Variants in OXCT1 observed in about 807,000 individuals in gnomAD.
The protein encoded by OXCT1 is 3-oxoacid CoA-transferase 1.
A neutral mutation model predicts 69.6 loss-of-function variants in OXCT1; 27 were observed. The ratio of observed to expected loss-of-function variants is 0.39; its 90% confidence interval spans 0.29 to 0.54. OXCT1 has a LOEUF of 0.54. Among genes scored for constraint, OXCT1 ranks in the 20% least tolerant of loss-of-function variants. OXCT1 has a pLI of 0.72. For missense variants in OXCT1, 437 were observed against 650.2 expected (o/e 0.67, Z 3.57); for synonymous variants, 202 against 217.8 (o/e 0.93, Z 0.64).
rs1347747207 is a variant in OXCT1 at position 41,866,811 on chromosome 5, CGAAGGAGCACAGAT to C, written c.78+3456_78+3469del. Among the ~76,000 whole-genome samples the C allele has an allele frequency of 7.9e-5, 12 of 152,210 alleles. 3 individuals carry two copies. The highest frequency in any genetic ancestry group is 2.9e-4 in the African/African-American group (12 of 41,532). ...AATGCTGGAGGGATACTCAGTGCTC[CGAAGGAGCACAGAT>C]GAAGGAGTAATTCATTCTACCTGGT... On this transcript the variant is annotated intron_variant, in intron 1 of 16. Coordinates refer to ENST00000196371, the MANE Select transcript of OXCT1 (RefSeq NM_000436.4).
rs1278481279 is a variant in OXCT1, at chr5:41,850,186, G to A, written c.415-7C>T. 1 of 1,613,272 alleles carries A rather than the reference G, an allele frequency of 6.2e-7. No individual in the cohort carries two copies. The highest frequency in any genetic ancestry group is 8.5e-7 in the Non-Finnish European group (1 of 1,179,802). On this transcript the variant is annotated splice_region_variant and splice_polypyrimidine_tract_variant and intron_variant, in intron 4 of 16. Coordinates refer to ENST00000196371, the MANE Select transcript of OXCT1 (RefSeq NM_000436.4). ...TCCTCTCTGCAAGTGTGCCCTGCAA[G>A]TGAGCAACCAACACCCCATAAGTTC... is the stretch of plus-strand genomic sequence containing the variant.
intron 3 of OXCT1, among the ~76,000 whole-genome samples, chr5:41,857,530 T>C (rs1442389073): frequency 3.9e-5 from 6 of 152,188 alleles, no homozygotes; most frequent in African/African-American, 7.2e-5. Flanking sequence ...GTTCACCCAA[T>C]GGGAGGCACC....
At position 41,733,360 on chromosome 5, in the gene OXCT1, C is replaced by G. The variant is rs374967965; in HGVS notation, c.1522-1590G>C. On this transcript the variant is annotated intron_variant, in intron 16 of 16. Transcript: ENST00000196371. ...CTCCTGGGTTCAAGCGATTCTCCTG[C>G]CTTAGCCTCCCAAGTAGCTGGGATT... Among the ~76,000 whole-genome samples the G allele has an allele frequency of 2.6e-5, 4 of 151,944 alleles. No homozygotes were observed. In the South Asian group the frequency reaches 8.3e-4, roughly 32 times the overall value.
intron 7 of OXCT1, among the ~76,000 whole-genome samples, chr5:41,835,505 G>A (rs781386636): frequency 2.0e-5 from 3 of 152,114 alleles, no homozygotes; most frequent in Non-Finnish European, 2.9e-5. Flanking sequence ...TGGGTTCACC[G>A]ATATTCAATT....
intron 7 of OXCT1, among the ~76,000 whole-genome samples, chr5:41,839,645 G>A (rs1748535198): frequency 6.6e-6 from 1 of 152,152 alleles, no homozygotes; most frequent in Admixed American, 6.5e-5. Flanking sequence ...CTGACTTCAT[G>A]AAACATTATC....
intron 1 of OXCT1, among the ~76,000 whole-genome samples, chr5:41,869,114 T>C (rs763593093): frequency 6.6e-6 from 1 of 152,192 alleles, no homozygotes; most frequent in Non-Finnish European, 1.5e-5. Flanking sequence ...TCCAAGTCTA[T>C]CTGCAGTTAT....
chr5:41,779,446 C>A (rs1477741107), intron 13 of OXCT1, among the ~76,000 whole-genome samples: 1 of 152,124 alleles, frequency 6.6e-6, no homozygotes, highest in Non-Finnish European at 1.5e-5. Context: ...ACTGTACAAG[C>A]ACATATAGAA....
chr5:41,801,159 A>G (rs949358499), intron 10 of OXCT1, 89 bp from the exon 11 acceptor site: 1 of 1,040,766 alleles, frequency 9.6e-7, no homozygotes, highest in Non-Finnish European at 1.5e-6. Flanking sequence ...TTCCCTAAAA[A>G]CCCTATAAAT....
intron 2 of OXCT1, 137 bp downstream of exon 2, chr5:41,862,502 AGAT>A: frequency 3.3e-6 from 2 of 599,018 alleles, no homozygotes; most frequent in Non-Finnish European, 6.1e-6. Flanking sequence ...CTAATAAAAT[AGAT>A]GATATTATAA....
intron 7 of OXCT1, among the ~76,000 whole-genome samples, chr5:41,834,754 G>C (rs1194140442): frequency 6.6e-6 from 1 of 152,102 alleles, no homozygotes; most frequent in Non-Finnish European, 1.5e-5. Context: ...TTTCAGCACT[G>C]ACAGATTTCT....
intron 16 of OXCT1, among the ~76,000 whole-genome samples, chr5:41,735,751 C>T (rs188061423): frequency 6.6e-6 from 1 of 152,354 alleles, no homozygotes; most frequent in Non-Finnish European, 1.5e-5. Flanking sequence ...ATTCATGTAA[C>T]TACCCTGACC....
chr5:41,858,611 T>C (rs1440485442), intron 3 of OXCT1, among the ~76,000 whole-genome samples: 2 of 152,194 alleles, frequency 1.3e-5, no homozygotes, highest in African/African-American at 4.8e-5. Context: ...TGAGACACAT[T>C]ATTATAAAGC....
At chr5:41,807,782 G>T (rs1746760475) in intron 7 of OXCT1, among the ~76,000 whole-genome samples, 1 of 152,026 alleles carries the variant, frequency 6.6e-6, no homozygotes, top group Admixed American at 6.6e-5. Context: ...ACTATGCAAT[G>T]ATAGCACATT....
At chr5:41,741,177 C>T (rs376044674) in intron 15 of OXCT1, among the ~76,000 whole-genome samples, 2 of 152,142 alleles carry the variant, frequency 1.3e-5, no homozygotes, top group East Asian at 3.9e-4. Flanking sequence ...GTCTCAAATT[C>T]CTGACCTCAG....
chr5:41,831,163 C>G (rs992885384), intron 7 of OXCT1, among the ~76,000 whole-genome samples: 1 of 152,182 alleles, frequency 6.6e-6, no homozygotes, highest in Admixed American at 6.5e-5. Context: ...TGCCATTATT[C>G]TCAAGAAAGT....
intron 1 of OXCT1, among the ~76,000 whole-genome samples, chr5:41,869,668 C>T (rs1353961442): frequency 6.6e-6 from 1 of 152,190 alleles, no homozygotes; most frequent in East Asian, 1.9e-4. Context: ...CCAGCTTGGC[C>T]GGCAAGACGC....
intron 13 of OXCT1, among the ~76,000 whole-genome samples, chr5:41,784,215 G>T (rs1470362368): frequency 6.6e-6 from 1 of 152,172 alleles, no homozygotes; most frequent in African/African-American, 2.4e-5. Flanking sequence ...ATTTTCCAAA[G>T]AATTCTTTGA....
At chr5:41,799,113 A>G (rs1746312390) in intron 11 of OXCT1, among the ~76,000 whole-genome samples, 3 of 152,218 alleles carry the variant, frequency 2.0e-5, no homozygotes, top group Admixed American at 1.3e-4. Flanking sequence ...GATCCTTGGA[A>G]ATAGTTATAT....
At chr5:41,822,380 C>G (rs1747597755) in intron 7 of OXCT1, among the ~76,000 whole-genome samples, 1 of 152,170 alleles carries the variant, frequency 6.6e-6, no homozygotes, top group South Asian at 2.1e-4. Flanking sequence ...TTGTGGAGAA[C>G]TGACCTCTTT....
Sources: gnomAD v4.1 joint callset for allele counts (sites outside exome capture counted in the v4.1 genomes callset) on GRCh38, gnomAD v4.1.1 for gene constraint, MANE v1.5 for transcripts, NCBI Gene and HGNC (gene_info 2026-07-23, HGNC 2026-07-21) for gene names.